Variants in FGD6 observed in about 807,000 individuals in gnomAD.
FGD6 encodes FYVE, RhoGEF and PH domain-containing protein 6.
In FGD6, 90 loss-of-function variants were observed where a neutral mutation model predicts 149.4. That is an observed-to-expected ratio of 0.60 (90% confidence interval 0.51 to 0.72). The LOEUF is 0.72. Ranked by LOEUF, FGD6 falls within the 30% of genes least tolerant of loss-of-function variation. The pLI is 0.00. For synonymous variants in FGD6, 527 were observed against 584.0 expected (o/e 0.90, Z 1.41); for missense variants, 1,437 against 1,684.8 (o/e 0.85, Z 2.57).
At position 95,217,461 on chromosome 12, in the gene FGD6, C is replaced by T. The variant is rs1293307827; in HGVS notation, c.-221G>A. 4 of 583,616 alleles carry T rather than the reference C, an allele frequency of 6.9e-6. No individual in the cohort carries two copies. The highest frequency in any genetic ancestry group is 1.1e-5 in the Non-Finnish European group (4 of 367,568). The allele number at this position is 583,616 out of a possible 1,614,324, so 36.2% of individuals were successfully genotyped here. ...GAGCCGCCGGGGTCGGGCGGGCGAGCACTAGCACCGCCCCGCAGAGCGGCA... is the reference window on the plus strand; with the variant it reads ...GAGCCGCCGGGGTCGGGCGGGCGAGTACTAGCACCGCCCCGCAGAGCGGCA... On this transcript the variant is annotated 5_prime_UTR_variant, in exon 1 of 21. Transcript: ENST00000343958.
At chr12:95,214,986 G>A (rs983586859) in intron 1 of FGD6, among the ~76,000 whole-genome samples, 7 of 147,884 alleles carry the variant, frequency 4.7e-5, no homozygotes, top group Admixed American at 1.4e-4. Context: ...TCAGCCTCCC[G>A]AATAGCTGGG....
intron 3 of FGD6, among the ~76,000 whole-genome samples, chr12:95,164,685 C>T (rs1880745485): frequency 6.6e-6 from 1 of 152,248 alleles, no homozygotes; most frequent in Middle Eastern, 3.4e-3. Context: ...CCCACCTGGA[C>T]CTCCCATAGT....
Position 95,153,966 on chromosome 12 carries a change from CAGAG to C in FGD6, c.2587-977_2587-974del, listed in dbSNP as rs1310650746. 6.9e-3 allele frequency among the ~76,000 whole-genome samples: 904 copies of C among 130,854 alleles called. 15 individuals are homozygous for C. Among genetic ancestry groups the C allele is most frequent in the African/African-American group, 0.024 (854 of 35,242 alleles). 85.8% of individuals were successfully genotyped at this position (130,854 alleles called of 152,430 possible). A position where few individuals can be genotyped will look rare whatever the true frequency, so the allele number is the denominator to read the frequency against. On this transcript the variant is annotated intron_variant, in intron 3 of 20. Coordinates refer to ENST00000343958, the MANE Select transcript of FGD6 (RefSeq NM_018351.4). ...GTGTGTGAGTGAGAGAGAGAAGAGA[CAGAG>C]AGAGAGAGAGACAGAGTCTCGCTCT... is the stretch of plus-strand genomic sequence containing the variant.
intron 15 of FGD6, among the ~76,000 whole-genome samples, chr12:95,093,407 C>T (rs1001812313): frequency 2.0e-5 from 3 of 151,646 alleles, no homozygotes; most frequent in South Asian, 2.1e-4. Context: ...TTGCCAGGCG[C>T]GGTGGCTCAC....
At chr12:95,125,789 C>A in intron 8 of FGD6, 1 of 756,996 alleles carries the variant, frequency 1.3e-6, no homozygotes, top group Non-Finnish European at 2.4e-6. Flanking sequence ...TGGAGGTTGG[C>A]TGGGCAACCT....
intron 8 of FGD6, among the ~76,000 whole-genome samples, chr12:95,132,201 A>G (rs533977525): frequency 1.3e-5 from 2 of 152,272 alleles, no homozygotes; most frequent in East Asian, 3.9e-4. Context: ...CCCGGGCTGA[A>G]GTGCAGTAGC....
At chr12:95,103,229 G>C (rs1484958874) in intron 14 of FGD6, among the ~76,000 whole-genome samples, 1 of 152,196 alleles carries the variant, frequency 6.6e-6, no homozygotes, top group Non-Finnish European at 1.5e-5. Context: ...CATACAGTAA[G>C]TGTTACAAAA....
intron 1 of FGD6, among the ~76,000 whole-genome samples, chr12:95,213,571 C>G (rs1481162642): frequency 6.6e-6 from 1 of 152,176 alleles, no homozygotes; most frequent in Non-Finnish European, 1.5e-5. Context: ...AAAACTTCAT[C>G]TCTCATCAAA....
At chr12:95,191,632 G>A (rs1881590145) in intron 2 of FGD6, among the ~76,000 whole-genome samples, 1 of 152,190 alleles carries the variant, frequency 6.6e-6, no homozygotes, top group Non-Finnish European at 1.5e-5. Flanking sequence ...ATCTGTGGGG[G>A]ATTGGTTTCA....
intron 8 of FGD6, among the ~76,000 whole-genome samples, chr12:95,114,518 A>C (rs1878947389): frequency 1.3e-5 from 2 of 151,086 alleles, no homozygotes; most frequent in South Asian, 4.2e-4. Flanking sequence ...TAAATATCTT[A>C]TAATGCAGCC....
At chr12:95,190,669 G>T (rs995323681) in intron 2 of FGD6, among the ~76,000 whole-genome samples, 1 of 152,116 alleles carries the variant, frequency 6.6e-6, no homozygotes, top group Non-Finnish European at 1.5e-5. Context: ...AAAAATATAT[G>T]TTGAAATCCT....
At chr12:95,165,805 T>C (rs951850654) in intron 3 of FGD6, among the ~76,000 whole-genome samples, 3 of 151,744 alleles carry the variant, frequency 2.0e-5, no homozygotes, top group African/African-American at 7.3e-5. Context: ...ACCTGGCTAA[T>C]TTTTTGTGTC....
At chr12:95,102,701 C>T (rs1878489441) in intron 14 of FGD6, among the ~76,000 whole-genome samples, 2 of 152,126 alleles carry the variant, frequency 1.3e-5, no homozygotes. Context: ...AGGAGTAGCA[C>T]ACCCCAGGAT....
chr12:95,085,540 C>T lies in FGD6; in HGVS notation c.4107+240G>A, dbSNP rs990272623. 10 of 506,524 alleles carry T rather than the reference C, an allele frequency of 2.0e-5. No individual in the cohort carries two copies. In the South Asian group the frequency reaches 2.2e-4, roughly 11 times the overall value. 31.4% of individuals were successfully genotyped at this position (506,524 alleles called of 1,614,324 possible). Reference sequence around the variant, plus strand: ...TTTAGTAAAGTAATTAGTAGTCACACGACACACACAAAAATTGCATTTTAA... The same window carrying T: ...TTTAGTAAAGTAATTAGTAGTCACATGACACACACAAAAATTGCATTTTAA... On this transcript the variant is annotated intron_variant, in intron 19 of 20. Coordinates refer to ENST00000343958, the MANE Select transcript of FGD6 (RefSeq NM_018351.4).
intron 5 of FGD6, among the ~76,000 whole-genome samples, chr12:95,142,469 G>A (rs963100047): frequency 6.6e-6 from 1 of 152,012 alleles, no homozygotes; most frequent in African/African-American, 2.4e-5. Flanking sequence ...GTAGAGACAA[G>A]GTTTCACCTT....
chr12:95,174,260 A>G (rs1252537888), intron 2 of FGD6, among the ~76,000 whole-genome samples: 1 of 152,186 alleles, frequency 6.6e-6, no homozygotes, highest in Non-Finnish European at 1.5e-5. Context: ...GTTGACTGAG[A>G]TTAGCGAGAG....
intron 2 of FGD6, among the ~76,000 whole-genome samples, chr12:95,191,244 T>C (rs1210004051): frequency 6.6e-6 from 1 of 152,222 alleles, no homozygotes; most frequent in African/African-American, 2.4e-5. Flanking sequence ...GGAGTGCTTC[T>C]TGCATAACCA....
intron 8 of FGD6, among the ~76,000 whole-genome samples, chr12:95,121,481 G>GTATATA (rs71830420): frequency 1.5e-3 from 182 of 121,866 alleles, no homozygotes; most frequent in African/African-American, 3.6e-3. Flanking sequence ...ATATATATAT[G>GTATATA]TATATATATA....
Position 95,126,206 on chromosome 12 carries a change from T to C in FGD6, c.3082+8533A>G, listed in dbSNP as rs61734153. 3.0e-4 allele frequency: 353 copies of C among 1,190,020 alleles called. 2 individuals are homozygous for C. In the African/African-American group the frequency reaches 5.0e-3, roughly 17 times the overall value. The allele number at this position is 1,190,020 out of a possible 1,614,324, so 73.7% of individuals were successfully genotyped here. ...AAAAAGCACCTGTTGCTAAGGGTGC[T>C]GCTGCAGCTGCTGCTAAATTTCCAG... On this transcript the variant is annotated intron_variant, in intron 8 of 20. Coordinates refer to ENST00000343958, the MANE Select transcript of FGD6 (RefSeq NM_018351.4).
Sources: allele counts gnomAD v4.1 joint callset (sites outside exome capture counted in the v4.1 genomes callset), GRCh38; gene constraint gnomAD v4.1.1; transcripts MANE v1.5; gene names NCBI Gene and HGNC (gene_info 2026-07-23, HGNC 2026-07-21).